CCDC3: variants seen among roughly 807,000 people sequenced by gnomAD.
The protein encoded by CCDC3 is coiled-coil domain containing 3.
In CCDC3, 24 loss-of-function variants were observed where a neutral mutation model predicts 21.4. The observed-to-expected ratio is 1.12, with a 90% confidence interval of 0.81 to 1.58. The LOEUF is 1.58. Among genes scored for constraint, CCDC3 ranks in the 40% most tolerant of loss-of-function variants. CCDC3 has a pLI of 0.00. For synonymous variants in CCDC3, 186 were observed against 166.0 expected, an observed-to-expected ratio of 1.12 and a Z score of -0.93; for missense variants, 425 against 360.9, an observed-to-expected ratio of 1.18 and a Z score of -1.44.
chr10:12,975,725 C>T (rs1213911640), intron 2 of CCDC3, among the ~76,000 whole-genome samples: 1 of 152,192 alleles, frequency 6.6e-6, no homozygotes, highest in Non-Finnish European at 1.5e-5. Flanking sequence ...AAGAGTCAGG[C>T]ACAGAGTGTT....
chr10:12,978,689 C>T (rs1835453743), intron 2 of CCDC3, among the ~76,000 whole-genome samples: 1 of 152,134 alleles, frequency 6.6e-6, no homozygotes, highest in Non-Finnish European at 1.5e-5. Flanking sequence ...ACCTAGTCTG[C>T]AGACACGATG....
chr10:13,074,489 TC>T (rs1836935678), intron 3 of CCDC3, among the ~76,000 whole-genome samples: 1 of 151,338 alleles, frequency 6.6e-6, no homozygotes, highest in African/African-American at 2.4e-5. Context: ...ACCGGCGGAA[TC>T]AAATCTTTTC....
At position 12,896,852 on chromosome 10, in the gene CCDC3, G is replaced by A. The variant is rs1459374983; in HGVS notation, c.*1564C>T. The A allele has an allele frequency of 2.0e-5, 3 of 152,466 alleles. No homozygotes were observed. The highest frequency in any genetic ancestry group is 7.2e-5 in the African/African-American group (3 of 41,434). The allele number at this position is 152,466 out of a possible 1,614,324, so 9.4% of individuals were successfully genotyped here. A position where few individuals can be genotyped will look rare whatever the true frequency, so the allele number is the denominator to read the frequency against. On this transcript the variant is annotated 3_prime_UTR_variant, in exon 3 of 3. Coordinates refer to ENST00000378825, the MANE Select transcript of CCDC3 (RefSeq NM_031455.4). ...GGAGAATACAGCTAATGAAGTGGTG[G>A]CAGAAGCTTGGCCGTGTGAGTGCCC...
chr10:13,089,391 C>A (rs1837152024), intron 3 of CCDC3, among the ~76,000 whole-genome samples: 1 of 152,000 alleles, frequency 6.6e-6, no homozygotes, highest in South Asian at 2.1e-4. Context: ...TTGTTATATT[C>A]TTTGAAGTTG....
At chr10:12,983,504 G>A (rs962354978) in intron 2 of CCDC3, among the ~76,000 whole-genome samples, 2 of 151,514 alleles carry the variant, frequency 1.3e-5, no homozygotes, top group African/African-American at 2.4e-5. Context: ...CTGGGAGGTA[G>A]AGGTTGCAGT....
chr10:13,021,324 TC>T lies in CCDC3; in HGVS notation c.-1-22813del, dbSNP rs1489737962. On this transcript the variant is annotated intron_variant, in intron 5 of 6. Coordinates refer to the CCDC3 transcript ENST00000378839. ...ATCACAGCTTAATCTTGCTGTGCTC[TC>T]CAGGTCTTCACTCAAAATCTTCTCT... Among the ~76,000 whole-genome samples, 17 of 152,198 alleles carry T rather than the reference TC, an allele frequency of 1.1e-4. 1 individual carries two copies. The highest frequency in any genetic ancestry group is 5.9e-5 in the Non-Finnish European group (4 of 68,038).
intron 2 of CCDC3, among the ~76,000 whole-genome samples, chr10:12,933,502 C>T (rs141441663): frequency 2.1e-4 from 31 of 147,636 alleles, no homozygotes; most frequent in African/African-American, 5.8e-4. Context: ...TTGCCCAGAG[C>T]GACCCAGTGC....
At chr10:13,030,390 C>A (rs562568194) in intron 5 of CCDC3, among the ~76,000 whole-genome samples, 1 of 152,224 alleles carries the variant, frequency 6.6e-6, no homozygotes, top group East Asian at 1.9e-4. Context: ...CAAAAACATG[C>A]CAAATTGTAA....
At chr10:13,024,584 T>A (rs1038855891) in intron 5 of CCDC3, among the ~76,000 whole-genome samples, 2 of 152,206 alleles carry the variant, frequency 1.3e-5, no homozygotes, top group Non-Finnish European at 2.9e-5. Flanking sequence ...TTGGAAAGAC[T>A]AGGAATGAAA....
intron 2 of CCDC3, among the ~76,000 whole-genome samples, chr10:12,917,177 CTTCTTTTTTTTT>C (rs1370710534): frequency 2.7e-5 from 2 of 74,786 alleles, no homozygotes; most frequent in Admixed American, 1.8e-4. Context: ...CTTATTTCTT[CTTCTTTTTTTTT>C]TTTTTTTTTT....
intron 5 of CCDC3, among the ~76,000 whole-genome samples, chr10:13,044,555 C>T (rs1207286203): frequency 6.6e-6 from 1 of 152,184 alleles, no homozygotes; most frequent in Non-Finnish European, 1.5e-5. Context: ...TTTCATTCTT[C>T]TGCATGTGGA....
At chr10:12,969,366 G>C (rs760149765) in intron 2 of CCDC3, among the ~76,000 whole-genome samples, 18 of 152,166 alleles carry the variant, frequency 1.2e-4, no homozygotes, top group Non-Finnish European at 1.9e-4. Context: ...ATGTAAATTA[G>C]TACACCACTA....
intron 2 of CCDC3, among the ~76,000 whole-genome samples, chr10:12,968,805 G>A (rs1355494897): frequency 6.6e-6 from 1 of 152,086 alleles, no homozygotes; most frequent in African/African-American, 2.4e-5. Flanking sequence ...GCCCATTACA[G>A]TATCTTTTAT....
chr10:12,903,145 G>T (rs573788871), intron 2 of CCDC3, among the ~76,000 whole-genome samples: 3 of 152,298 alleles, frequency 2.0e-5, no homozygotes, highest in Admixed American at 6.5e-5. Context: ...TAGCAGGCAG[G>T]TCTGTATCTC....
At chr10:12,918,230 T>C (rs531406441) in intron 2 of CCDC3, among the ~76,000 whole-genome samples, 1 of 152,344 alleles carries the variant, frequency 6.6e-6, no homozygotes, top group Non-Finnish European at 1.5e-5. Context: ...CATATGACTT[T>C]TGTTAAATTA....
Position 12,898,462 on chromosome 10 carries a change from T to A in CCDC3, c.767A>T (p.His256Leu), listed in dbSNP as rs770532901. Residue 256 changes from histidine to leucine, a missense_variant, in exon 3 of 3, where the codon CAC becomes CTC. His to Leu is a moderately conservative substitution (Grantham distance 99). Transcript: ENST00000378825. ...SEKLAAGALP[H>L]INARGPVRPP... ...GCGCACGGGCCCCCGGGCATTGATGTGCGGCAGCGCGCCCGCCGCCAGCTT... is the reference window on the plus strand; with the variant it reads ...GCGCACGGGCCCCCGGGCATTGATGAGCGGCAGCGCGCCCGCCGCCAGCTT... 6.2e-7 allele frequency: 1 copy of A among 1,612,252 alleles called. No homozygotes were observed. The highest frequency in any genetic ancestry group is 1.1e-5 in the South Asian group (1 of 91,024).
intron 2 of CCDC3, among the ~76,000 whole-genome samples, chr10:12,949,244 C>T (rs548702807): frequency 6.6e-6 from 1 of 152,186 alleles, no homozygotes; most frequent in Admixed American, 6.5e-5. Context: ...GACCACATAT[C>T]CCAGCCTGCC....
intron 2 of CCDC3, among the ~76,000 whole-genome samples, chr10:12,933,906 TC>T (rs1834693476): frequency 2.6e-5 from 4 of 152,168 alleles, no homozygotes; most frequent in Non-Finnish European, 5.9e-5. Context: ...AAGAATCAGC[TC>T]TTTTGATTAT....
intron 5 of CCDC3, among the ~76,000 whole-genome samples, chr10:13,009,709 C>T (rs1682831193): frequency 6.6e-6 from 1 of 152,078 alleles, no homozygotes; most frequent in Non-Finnish European, 1.5e-5. Flanking sequence ...GGTGCTAGAA[C>T]AATTGAGGGA....
Sources: gnomAD v4.1 joint callset for allele counts (sites outside exome capture counted in the v4.1 genomes callset) on GRCh38, gnomAD v4.1.1 for gene constraint, MANE v1.5 for transcripts, NCBI Gene and HGNC (gene_info 2026-07-23, HGNC 2026-07-21) for gene names.